PTPRD: variants seen among roughly 807,000 people sequenced by gnomAD.
The protein encoded by PTPRD is receptor-type tyrosine-protein phosphatase delta.
A neutral mutation model predicts 214.5 loss-of-function variants in PTPRD; 34 were observed. The ratio of observed to expected loss-of-function variants is 0.16; its 90% confidence interval spans 0.12 to 0.21. The LOEUF is 0.21. Among genes scored for constraint, PTPRD ranks in the 10% least tolerant of loss-of-function variants. The pLI is 1.00. For missense variants in PTPRD, 2,545 were observed against 2,398.7 expected (o/e 1.06, Z -1.27); for synonymous variants, 1,128 against 845.7 (o/e 1.33, Z -5.79).
intron 6 of PTPRD, among the ~76,000 whole-genome samples, chr9:9,749,588 G>C (rs991567042): frequency 1.3e-5 from 2 of 152,052 alleles, no homozygotes; most frequent in African/African-American, 4.8e-5. Context: ...TCCATAACAA[G>C]ACAATATTCT....
intron 11 of PTPRD, among the ~76,000 whole-genome samples, chr9:8,853,661 A>C (rs1343124085): frequency 1.4e-4 from 21 of 152,210 alleles, no homozygotes; most frequent in South Asian, 2.1e-4. Context: ...CTTCTTCCAC[A>C]TTATCAGATT....
rs185325337 is a variant in PTPRD at position 8,726,255 on chromosome 9, G to A, written c.64+7525C>T. 2.6e-5 allele frequency among the ~76,000 whole-genome samples: 4 copies of A among 151,958 alleles called. No homozygotes were observed. In the East Asian group the frequency reaches 7.8e-4, roughly 30 times the overall value. On this transcript the variant is annotated intron_variant, in intron 12 of 45. Transcript: ENST00000381196. Reference sequence around the variant, plus strand: ...ACAAGAAACACATCTACGTAGGCAGGAGGGGATGGGGCTCCCAACCAAGTC... The same window carrying A: ...ACAAGAAACACATCTACGTAGGCAGAAGGGGATGGGGCTCCCAACCAAGTC...
intron 12 of PTPRD, among the ~76,000 whole-genome samples, chr9:8,675,536 CACAAAAAAAAA>C (rs1206767756): frequency 4.3e-5 from 3 of 69,922 alleles, no homozygotes; most frequent in African/African-American, 2.3e-4. Flanking sequence ...CACACACACA[CACAAAAAAAAA>C]AAAAAAAAAA....
intron 8 of PTPRD, among the ~76,000 whole-genome samples, chr9:9,406,803 C>G (rs1388908053): frequency 6.7e-6 from 1 of 149,076 alleles, no homozygotes; most frequent in Non-Finnish European, 1.5e-5. Flanking sequence ...GTTTAAGGAA[C>G]AGTAGGCTTG....
At chr9:8,511,859 G>T (rs972117840) in intron 21 of PTPRD, among the ~76,000 whole-genome samples, 2 of 152,048 alleles carry the variant, frequency 1.3e-5, no homozygotes, top group Non-Finnish European at 2.9e-5. Context: ...TACATGTTAA[G>T]TACTTGAGTA....
intron 14 of PTPRD, among the ~76,000 whole-genome samples, chr9:8,534,496 A>G (rs2076447229): frequency 6.6e-6 from 1 of 151,876 alleles, no homozygotes; most frequent in African/African-American, 2.4e-5. Context: ...ATATACTCTC[A>G]CAGAACAAGA....
At chr9:8,923,273 C>G (rs915625783) in intron 11 of PTPRD, among the ~76,000 whole-genome samples, 1 of 151,856 alleles carries the variant, frequency 6.6e-6, no homozygotes, top group East Asian at 1.9e-4. Context: ...AACTCCTGAC[C>G]TTAGGTGATC....
Position 8,544,467 on chromosome 9 carries a change from CTTT to C in PTPRD, c.353-15691_353-15689del, listed in dbSNP as rs34002040. Among the ~76,000 whole-genome samples the C allele has an allele frequency of 3.4e-3, 391 of 116,178 alleles. 1 individual carries two copies. The highest frequency in any genetic ancestry group is 9.0e-3 in the African/African-American group (261 of 28,960). 76.2% of individuals were successfully genotyped at this position (116,178 alleles called of 152,430 possible). A position where few individuals can be genotyped will look rare whatever the true frequency, so the allele number is the denominator to read the frequency against. On this transcript the variant is annotated intron_variant, in intron 14 of 45. Coordinates refer to ENST00000381196, the MANE Select transcript of PTPRD (RefSeq NM_002839.4). ...CCTTGCAGGAAAATAAAAAAAATAA[CTTT>C]TTTTTTTTTTTTTTTTTTGAGACAG...
At chr9:8,554,155 TC>T (rs2082995314) in intron 14 of PTPRD, among the ~76,000 whole-genome samples, 1 of 152,090 alleles carries the variant, frequency 6.6e-6, no homozygotes, top group African/African-American at 2.4e-5. Context: ...GCCATTGCAT[TC>T]CAGCCTAAAC....
chr9:9,970,547 C>T (rs1001332733), intron 4 of PTPRD, among the ~76,000 whole-genome samples: 1 of 151,828 alleles, frequency 6.6e-6, no homozygotes, highest in Non-Finnish European at 1.5e-5. Flanking sequence ...CAGGTATGTA[C>T]CTAGTAGGAA....
intron 11 of PTPRD, among the ~76,000 whole-genome samples, chr9:8,964,596 T>C (rs917321228): frequency 1.3e-5 from 2 of 151,996 alleles, no homozygotes; most frequent in Admixed American, 6.6e-5. Context: ...ATTCTTCTAG[T>C]TTGGAGTTGG....
chr9:8,667,804 G>C (rs2097199177), intron 12 of PTPRD, among the ~76,000 whole-genome samples: 1 of 151,902 alleles, frequency 6.6e-6, no homozygotes, highest in Admixed American at 6.6e-5. Flanking sequence ...AAACACTTTT[G>C]GTCCCGATCA....
chr9:9,209,887 T>C (rs2099947420), intron 9 of PTPRD, among the ~76,000 whole-genome samples: 1 of 152,172 alleles, frequency 6.6e-6, no homozygotes, highest in Non-Finnish European at 1.5e-5. Flanking sequence ...AAGGACTTTA[T>C]TACTCTCAGC....
intron 11 of PTPRD, among the ~76,000 whole-genome samples, chr9:8,884,173 T>A (rs751195804): frequency 6.6e-6 from 1 of 152,216 alleles, no homozygotes; most frequent in Non-Finnish European, 1.5e-5. Context: ...TAGCTCCATC[T>A]GATTCCTTCA....
chr9:9,517,890 T>C (rs1321006210), intron 8 of PTPRD, among the ~76,000 whole-genome samples: 1 of 151,484 alleles, frequency 6.6e-6, no homozygotes, highest in Non-Finnish European at 1.5e-5. Context: ...CTAATTCAAA[T>C]TCCTTGAAAC....
intron 12 of PTPRD, among the ~76,000 whole-genome samples, chr9:8,695,979 T>C (rs376793947): frequency 3.3e-5 from 5 of 152,212 alleles, no homozygotes; most frequent in African/African-American, 7.2e-5. Flanking sequence ...ATAAATGTTA[T>C]TGACTCCTTA....
chr9:10,231,837 G>A (rs757208765), intron 3 of PTPRD, among the ~76,000 whole-genome samples: 20 of 151,806 alleles, frequency 1.3e-4, no homozygotes, highest in African/African-American at 2.2e-4. Context: ...AGGGCCCTGT[G>A]GAGGTATTTG....
intron 9 of PTPRD, among the ~76,000 whole-genome samples, chr9:9,243,045 G>C (rs2099971181): frequency 1.3e-5 from 2 of 152,064 alleles, no homozygotes; most frequent in African/African-American, 2.4e-5. Context: ...CTGTTTGTTA[G>C]TTTTCCTTTT....
At chr9:10,093,577 T>C (rs1450236910) in intron 3 of PTPRD, among the ~76,000 whole-genome samples, 2 of 151,472 alleles carry the variant, frequency 1.3e-5, no homozygotes, top group African/African-American at 4.8e-5. Flanking sequence ...TTTGACCTAG[T>C]AATCCCATTA....
Sources: gnomAD v4.1 joint callset for allele counts (sites outside exome capture counted in the v4.1 genomes callset) on GRCh38, gnomAD v4.1.1 for gene constraint, MANE v1.5 for transcripts, NCBI Gene and HGNC (gene_info 2026-07-23, HGNC 2026-07-21) for gene names.